Variants in DMD observed in about 807,000 individuals in gnomAD.
DMD encodes the protein dystrophin.
A neutral mutation model predicts 330.1 loss-of-function variants in DMD; 63 were observed. That is an observed-to-expected ratio of 0.19 (90% CI 0.16 to 0.24). The LOEUF is 0.24. Ranked by LOEUF, DMD falls within the 10% of genes least tolerant of loss-of-function variation. The pLI is 1.00. For missense variants in DMD, 3,344 were observed against 2,684.1 expected (o/e 1.25, Z -5.43); for synonymous variants, 1,223 against 959.8 (o/e 1.27, Z -5.07).
intron 44 of DMD, among the ~76,000 whole-genome samples, chrX:32,209,785 T>C (rs993284325): frequency 1.8e-5 from 2 of 112,029 alleles, no homozygotes; most frequent in Admixed American, 9.5e-5. Context: ...AGTTATGTTT[T>C]TTTGTTCTTG....
chrX:32,781,803 A>C (rs866802508), intron 7 of DMD, among the ~76,000 whole-genome samples: 1 of 111,501 alleles, frequency 9.0e-6, no homozygotes, highest in Admixed American at 9.6e-5. Context: ...TAGCCTAAAC[A>C]TAAGGAAGAA....
intron 52 of DMD, among the ~76,000 whole-genome samples, chrX:31,706,438 T>C (rs2084198726): frequency 8.9e-6 from 1 of 112,015 alleles, no homozygotes; most frequent in Admixed American, 9.5e-5. Flanking sequence ...GCTCCTTTAC[T>C]AATTAAATCT....
At chrX:32,300,401 A>G (rs1314187402) in intron 42 of DMD, among the ~76,000 whole-genome samples, 2 of 111,454 alleles carry the variant, frequency 1.8e-5, no homozygotes, top group Non-Finnish European at 3.8e-5. Flanking sequence ...TTAGATATCT[A>G]AGAAAAAAGT....
At chrX:31,916,499 A>G (rs2094610200) in intron 47 of DMD, among the ~76,000 whole-genome samples, 1 of 111,976 alleles carries the variant, frequency 8.9e-6, no homozygotes, top group Non-Finnish European at 1.9e-5. Flanking sequence ...CTTTGCAAAG[A>G]TGTCTGAAGA....
At chrX:32,890,205 T>C (rs2085063315) in intron 2 of DMD, among the ~76,000 whole-genome samples, 1 of 111,325 alleles carries the variant, frequency 9.0e-6, no homozygotes, top group Non-Finnish European at 1.9e-5. Context: ...AAATGTGAAA[T>C]GGACATTCAG....
chrX:32,333,928 A>G (rs985178426), intron 41 of DMD, among the ~76,000 whole-genome samples: 1 of 111,683 alleles, frequency 9.0e-6, no homozygotes, highest in African/African-American at 3.3e-5. Context: ...GTTCCACCAT[A>G]GCCCAGCTGT....
intron 43 of DMD, among the ~76,000 whole-genome samples, chrX:32,243,087 C>T (rs1297360530): frequency 4.6e-5 from 5 of 107,580 alleles, no homozygotes; most frequent in Non-Finnish European, 9.6e-5. Flanking sequence ...GACAGGCAGG[C>T]AAGCAAGCTA....
chrX:31,162,287 C>A (rs998406174), intron 74 of DMD, among the ~76,000 whole-genome samples: 2 of 93,334 alleles, frequency 2.1e-5, no homozygotes, highest in Non-Finnish European at 4.1e-5. Context: ...TGACCATAAT[C>A]AATTCTACTG....
chrX:31,445,870 A>G (rs1014877334), intron 59 of DMD, among the ~76,000 whole-genome samples: 9 of 112,121 alleles, frequency 8.0e-5, no homozygotes, highest in African/African-American at 2.9e-4. Flanking sequence ...TGATGTCCAA[A>G]TGTTCCAATA....
chrX:32,190,584 A>ATT, intron 44 of DMD, among the ~76,000 whole-genome samples: 1 of 89,560 alleles, frequency 1.1e-5, no homozygotes, highest in Non-Finnish European at 2.2e-5. Context: ...ATATATATAT[A>ATT]TTTCACCACA....
intron 53 of DMD, among the ~76,000 whole-genome samples, chrX:31,674,995 T>G (rs888509955): frequency 2.7e-5 from 3 of 112,699 alleles, no homozygotes; most frequent in African/African-American, 9.7e-5. Context: ...TGTATGTTTT[T>G]GCCTAACATC....
At chrX:32,213,994 G>A (rs1395333388) in intron 44 of DMD, among the ~76,000 whole-genome samples, 1 of 110,390 alleles carries the variant, frequency 9.1e-6, no homozygotes, top group African/African-American at 3.3e-5. Context: ...ATCCAATTGA[G>A]GGGAAAAGTT....
At chrX:32,280,121 A>G (rs1373465785) in intron 43 of DMD, among the ~76,000 whole-genome samples, 1 of 97,728 alleles carries the variant, frequency 1.0e-5, no homozygotes, top group Admixed American at 1.2e-4. Flanking sequence ...GTATATATTT[A>G]TATATGTGTG....
chrX:31,923,786 C>T (rs781235948), intron 47 of DMD, among the ~76,000 whole-genome samples: 31 of 110,651 alleles, frequency 2.8e-4, no homozygotes, highest in African/African-American at 9.5e-4. Context: ...TTAATAGAGA[C>T]GGAGTTTTGC....
At chrX:32,671,172 C>T (rs932152094) in intron 9 of DMD, among the ~76,000 whole-genome samples, 2 of 110,715 alleles carry the variant, frequency 1.8e-5, no homozygotes, top group South Asian at 7.7e-4. Context: ...ACATATATCT[C>T]TCACCTTGGA....
chrX:32,397,154 C>A lies in DMD; in HGVS notation c.4234-6973G>T, dbSNP rs183054795. On this transcript the variant is annotated intron_variant, in intron 30 of 78. Coordinates refer to ENST00000357033, the MANE Select transcript of DMD (RefSeq NM_004006.3). Reference sequence around the variant, plus strand: ...GATTCAATCTGAAGGAAAATGATCTCTCTACTTGTCTACTAGATTTCTAAG... The same window carrying A: ...GATTCAATCTGAAGGAAAATGATCTATCTACTTGTCTACTAGATTTCTAAG... Among the ~76,000 whole-genome samples the A allele has an allele frequency of 2.7e-5, 3 of 111,407 alleles. No individual in the cohort carries two copies. In the East Asian group the frequency reaches 8.4e-4, roughly 31 times the overall value.
chrX:33,080,320 T>C (rs1027124209), intron 1 of DMD, among the ~76,000 whole-genome samples: 1 of 111,698 alleles, frequency 9.0e-6, no homozygotes, highest in Non-Finnish European at 1.9e-5. Context: ...TAAACCCTTT[T>C]CACTTTGCTT....
chrX:32,772,830 T>C (rs1003015304), intron 7 of DMD, among the ~76,000 whole-genome samples: 1 of 111,861 alleles, frequency 8.9e-6, no homozygotes, highest in East Asian at 2.8e-4. Flanking sequence ...TTACCCGTGA[T>C]GGCTAACATA....
intron 1 of DMD, among the ~76,000 whole-genome samples, chrX:33,037,671 T>C (rs1051376850): frequency 1.5e-4 from 17 of 112,171 alleles, no homozygotes; most frequent in African/African-American, 5.2e-4. Context: ...AAGTCTTGTT[T>C]AGTTTCTTGC....
Sources: gnomAD v4.1 joint callset for allele counts (sites outside exome capture counted in the v4.1 genomes callset) on GRCh38, gnomAD v4.1.1 for gene constraint, MANE v1.5 for transcripts, NCBI Gene and HGNC (gene_info 2026-07-23, HGNC 2026-07-21) for gene names.